ATP11A: variants seen among roughly 807,000 people sequenced by gnomAD.
ATP11A encodes ATPase phospholipid transporting 11A.
Under a neutral mutation model 154.4 loss-of-function variants are expected in ATP11A, and 81 were observed. The observed-to-expected ratio is 0.52, with a 90% CI of 0.44 to 0.63. The LOEUF is 0.63. ATP11A is among the 30% of genes least tolerant of loss of function. The pLI is 0.00. For synonymous variants in ATP11A, 623 were observed against 585.9 expected (o/e 1.06, Z -0.91); for missense variants, 1,316 against 1,474.3 (o/e 0.89, Z 1.76).
intron 27 of ATP11A, among the ~76,000 whole-genome samples, chr13:112,874,733 A>T (rs556512521): frequency 6.6e-6 from 1 of 152,224 alleles, no homozygotes; most frequent in East Asian, 1.9e-4. Context: ...CAGAGATGAC[A>T]GCCCAGCTTG....
chr13:112,815,643 A>T (rs1281697024), intron 5 of ATP11A, among the ~76,000 whole-genome samples: 1 of 152,244 alleles, frequency 6.6e-6, no homozygotes, highest in Non-Finnish European at 1.5e-5. Flanking sequence ...TTTTTGAAAC[A>T]TTGTTGCCAC....
At chr13:112,871,859 C>A (rs1237619438) in intron 26 of ATP11A, 59 bp downstream of exon 26, 21 of 1,492,660 alleles carry the variant, frequency 1.4e-5, no homozygotes, top group Non-Finnish European at 2.0e-5. Context: ...GCAGTGTAGG[C>A]CTCACGCGCT....
chr13:112,800,200 C>G (rs2078096335), intron 2 of ATP11A, among the ~76,000 whole-genome samples: 1 of 129,692 alleles, frequency 7.7e-6, no homozygotes, highest in Non-Finnish European at 1.6e-5. Context: ...TTTTAAACAT[C>G]AAAAGCTGGT....
intron 1 of ATP11A, among the ~76,000 whole-genome samples, chr13:112,705,828 T>C (rs1887084940): frequency 6.6e-6 from 1 of 152,260 alleles, no homozygotes; most frequent in Non-Finnish European, 1.5e-5. Flanking sequence ...ATTATAAAGA[T>C]GTATTGCTTT....
At chr13:112,720,598 G>T (rs532952956) in intron 1 of ATP11A, among the ~76,000 whole-genome samples, 51 of 151,984 alleles carry the variant, frequency 3.4e-4, no homozygotes, top group African/African-American at 1.2e-3. Context: ...TCGCTCTGTC[G>T]CCAGGCTGGA....
At chr13:112,698,037 C>T in intron 1 of ATP11A, among the ~76,000 whole-genome samples, 1 of 152,220 alleles carries the variant, frequency 6.6e-6, no homozygotes, top group East Asian at 1.9e-4. Flanking sequence ...AAAGTTAAGA[C>T]TCCTGTGCTG....
chr13:112,821,182 T>A (rs529700510), intron 8 of ATP11A, among the ~76,000 whole-genome samples: 1 of 152,338 alleles, frequency 6.6e-6, no homozygotes, highest in South Asian at 2.1e-4. Context: ...ATGGGATGAA[T>A]CCAAAATAGT....
At chr13:112,836,325 C>T (rs770545304) in intron 16 of ATP11A, 74 bp downstream of exon 16, 213 of 876,694 alleles carry the variant, frequency 2.4e-4, no homozygotes, top group Non-Finnish European at 3.4e-4. Context: ...CTAAATTCTA[C>T]AGGAGCTTTA....
intron 17 of ATP11A, among the ~76,000 whole-genome samples, chr13:112,844,793 GGT>G (rs68082434): frequency 3.3e-3 from 409 of 125,426 alleles, no homozygotes; most frequent in African/African-American, 9.1e-3. Flanking sequence ...CCAGTTGCCG[GGT>G]GTTAGTGGTA....
At chr13:112,790,423 TGG>T (rs1188810719) in intron 2 of ATP11A, among the ~76,000 whole-genome samples, 40 of 149,362 alleles carry the variant, frequency 2.7e-4, no homozygotes, top group East Asian at 2.4e-3. Flanking sequence ...TAGACCCCTG[TGG>T]AGACCTGCTT....
intron 1 of ATP11A, among the ~76,000 whole-genome samples, chr13:112,729,606 C>T (rs1449092443): frequency 6.6e-6 from 1 of 152,074 alleles, no homozygotes; most frequent in Non-Finnish European, 1.5e-5. Context: ...GCAGCACAGT[C>T]CCCCCACCTC....
At chr13:112,842,518 GCAGA>G in intron 17 of ATP11A, 139 bp downstream of exon 17, 1 of 739,242 alleles carries the variant, frequency 1.4e-6, no homozygotes, top group Non-Finnish European at 2.2e-6. Flanking sequence ...TGGGCCAGAG[GCAGA>G]CAGACAGGCA....
chr13:112,869,421 C>CTTAGAAA (rs2140404278), intron 25 of ATP11A, among the ~76,000 whole-genome samples: 1 of 152,322 alleles, frequency 6.6e-6, no homozygotes, highest in Admixed American at 6.5e-5. Flanking sequence ...CAGCTGGGAG[C>CTTAGAAA]TTAGAAAGGC....
Position 112,883,141 on chromosome 13 carries a change from C to T in ATP11A, c.*1275C>T, listed in dbSNP as rs1049453309. ...TCGTCTCCTCATCCCCACGTCCTCT[C>T]GTCCCCTTGTCCCGTCCCCACATAC... On this transcript the variant is annotated 3_prime_UTR_variant, in exon 30 of 30. Transcript: ENST00000375645. The T allele has an allele frequency of 7.6e-6, 3 of 395,038 alleles. No homozygotes were observed. The highest frequency in any genetic ancestry group is 7.2e-5 in the East Asian group (2 of 27,700). 24.5% of individuals were successfully genotyped at this position (395,038 alleles called of 1,614,324 possible).
intron 1 of ATP11A, among the ~76,000 whole-genome samples, chr13:112,778,772 G>C: frequency 7.5e-6 from 1 of 133,110 alleles, no homozygotes; most frequent in Non-Finnish European, 1.6e-5. Flanking sequence ...CCGCTGGAGT[G>C]AGTAGCCGCT....
intron 4 of ATP11A, among the ~76,000 whole-genome samples, chr13:112,806,873 G>A (rs1030971367): frequency 6.6e-6 from 1 of 152,156 alleles, no homozygotes; most frequent in Non-Finnish European, 1.5e-5. Flanking sequence ...TAAACATTTC[G>A]TACTCACGGC....
At chr13:112,796,508 G>A (rs2078002235) in intron 2 of ATP11A, among the ~76,000 whole-genome samples, 1 of 152,226 alleles carries the variant, frequency 6.6e-6, no homozygotes, top group African/African-American at 2.4e-5. Context: ...GATGTAGGCA[G>A]CCTCTGCAGG....
At chr13:112,735,878 G>A (rs889787838) in intron 1 of ATP11A, among the ~76,000 whole-genome samples, 2 of 152,242 alleles carry the variant, frequency 1.3e-5, no homozygotes, top group South Asian at 2.1e-4. Context: ...TTTCCGAGGT[G>A]CATCCATAAG....
In ATP11A at chr13:112,787,341, T is replaced by C. The variant is rs80231238; in HGVS notation, c.162+2084T>C. Among the ~76,000 whole-genome samples the C allele has an allele frequency of 9.9e-3, 1,086 of 109,156 alleles. 29 individuals carry two copies. The highest frequency in any genetic ancestry group is 0.046 in the East Asian group (168 of 3,630). The allele number at this position is 109,156 out of a possible 152,430, so 71.6% of individuals were successfully genotyped here. On this transcript the variant is annotated intron_variant, in intron 2 of 29. Coordinates refer to ENST00000375645, the MANE Select transcript of ATP11A (RefSeq NM_015205.3). Reference sequence around the variant, plus strand: ...AGACCCCTGTGGAGACCTACTTAATTGACACCGGGTGTCCTGATGCGTAGA... The same window carrying C: ...AGACCCCTGTGGAGACCTACTTAATCGACACCGGGTGTCCTGATGCGTAGA...
Sources: allele counts gnomAD v4.1 joint callset (sites outside exome capture counted in the v4.1 genomes callset), GRCh38; gene constraint gnomAD v4.1.1; transcripts MANE v1.5; gene names NCBI Gene and HGNC (gene_info 2026-07-23, HGNC 2026-07-21).